The following SCHIP1 variants were observed in gnomAD, a reference collection of about 807,000 sequenced individuals.
SCHIP1 encodes schwannomin interacting protein 1.
In SCHIP1, 8 loss-of-function variants were observed where a neutral mutation model predicts 29.7. That is an observed-to-expected ratio of 0.27 (90% CI 0.16 to 0.49). The LOEUF is 0.49. SCHIP1 is among the 20% of genes least tolerant of loss of function. The pLI is 0.99. For synonymous variants in SCHIP1, 76 were observed against 94.9 expected (o/e 0.80, Z 1.16); for missense variants, 193 against 294.6 (o/e 0.66, Z 2.52).
the SCHIP1 span, among the ~76,000 whole-genome samples, chr3:159,677,440 G>A: frequency 4.3e-4 from 65 of 151,824 alleles, no homozygotes; most frequent in East Asian, 0.012. Flanking sequence ...GAGTTGGACT[G>A]CAGGCTGAGA....
the SCHIP1 span, among the ~76,000 whole-genome samples, chr3:159,737,336 A>G: frequency 2.6e-5 from 4 of 152,154 alleles, no homozygotes; most frequent in Admixed American, 2.0e-4. Flanking sequence ...GCCAGTCTCT[A>G]TCCCCAGAGT....
At chr3:159,563,338 C>A in the SCHIP1 span, among the ~76,000 whole-genome samples, 7 of 152,020 alleles carry the variant, frequency 4.6e-5, no homozygotes, top group Admixed American at 1.3e-4. Flanking sequence ...AGTTAAAAGT[C>A]ATTTTCTTTT....
chr3:159,583,524 T>C, the SCHIP1 span, among the ~76,000 whole-genome samples: 4 of 152,178 alleles, frequency 2.6e-5, no homozygotes, highest in Non-Finnish European at 5.9e-5. Flanking sequence ...AAATGGATAG[T>C]GTATAGTCAC....
chr3:159,505,197 C>T, the SCHIP1 span, among the ~76,000 whole-genome samples: 1 of 152,130 alleles, frequency 6.6e-6, no homozygotes, highest in Non-Finnish European at 1.5e-5. Flanking sequence ...CAGCACAGGG[C>T]CTGGCACAAA....
At chr3:159,358,119 G>A in the SCHIP1 span, among the ~76,000 whole-genome samples, 1 of 152,232 alleles carries the variant, frequency 6.6e-6, no homozygotes, top group African/African-American at 2.4e-5. Flanking sequence ...TGCAAAACCA[G>A]GAGCCAGCAA....
chr3:159,337,237 A>C, the SCHIP1 span, among the ~76,000 whole-genome samples: 54 of 152,252 alleles, frequency 3.5e-4, no homozygotes, highest in Middle Eastern at 6.8e-3. Flanking sequence ...CACAGCCAAT[A>C]TCATACTGAA....
chr3:159,407,628 G>A, the SCHIP1 span, among the ~76,000 whole-genome samples: 1 of 152,166 alleles, frequency 6.6e-6, no homozygotes, highest in South Asian at 2.1e-4. Context: ...TAGATCATAT[G>A]TTACTTCACA....
the SCHIP1 span, among the ~76,000 whole-genome samples, chr3:159,826,649 G>C: frequency 1.3e-5 from 2 of 152,294 alleles, no homozygotes; most frequent in Middle Eastern, 6.8e-3. Context: ...CATCATCTCA[G>C]ATAAGGGGAG....
chr3:159,841,928 G>A (rs1744264626), intron 1 of SCHIP1, among the ~76,000 whole-genome samples: 1 of 152,076 alleles, frequency 6.6e-6, no homozygotes, highest in African/African-American at 2.4e-5. Flanking sequence ...CTTTTGAAGT[G>A]CTCTCTCTTT....
chr3:159,335,412 T>A, the SCHIP1 span, among the ~76,000 whole-genome samples: 1,692 of 152,266 alleles, frequency 0.011, 18 homozygotes, highest in South Asian at 0.033. Flanking sequence ...TACATATGTA[T>A]ACATGTGCCA....
intron 2 of SCHIP1, among the ~76,000 whole-genome samples, chr3:159,878,735 GC>G (rs1309389522): frequency 1.7e-3 from 244 of 143,362 alleles, no homozygotes; most frequent in African/African-American, 6.1e-3. Context: ...CCGAGATCCC[GC>G]CACTGCACTC....
At chr3:159,626,611 G>A in the SCHIP1 span, among the ~76,000 whole-genome samples, 1 of 152,162 alleles carries the variant, frequency 6.6e-6, no homozygotes. Flanking sequence ...ACCAAACAAA[G>A]CTTAGCAAAC....
chr3:159,315,374 A>AT, the SCHIP1 span, among the ~76,000 whole-genome samples: 3 of 127,194 alleles, frequency 2.4e-5, no homozygotes, highest in East Asian at 6.8e-4. Context: ...AATTTTTTGT[A>AT]TTTTTTTGTA....
At chr3:159,370,654 A>G in the SCHIP1 span, among the ~76,000 whole-genome samples, 2 of 152,202 alleles carry the variant, frequency 1.3e-5, no homozygotes, top group Admixed American at 1.3e-4. Context: ...AGAATCATTC[A>G]GTCATTGGGG....
the SCHIP1 span, among the ~76,000 whole-genome samples, chr3:159,551,471 T>A: frequency 6.6e-6 from 1 of 152,152 alleles, no homozygotes; most frequent in Non-Finnish European, 1.5e-5. Context: ...AGAAAAAACA[T>A]CAAGATTGGG....
chr3:159,717,300 C>A, the SCHIP1 span, among the ~76,000 whole-genome samples: 1 of 151,974 alleles, frequency 6.6e-6, no homozygotes, highest in South Asian at 2.1e-4. Flanking sequence ...AAATTGACAC[C>A]CTAACATCAC....
the SCHIP1 span, among the ~76,000 whole-genome samples, chr3:159,752,003 G>C: frequency 2.0e-5 from 3 of 152,106 alleles, no homozygotes; most frequent in Non-Finnish European, 4.4e-5. Context: ...GCTGTCACAA[G>C]ATCTGGTTAT....
At chr3:159,439,774 A>G in the SCHIP1 span, among the ~76,000 whole-genome samples, 1 of 151,934 alleles carries the variant, frequency 6.6e-6, no homozygotes, top group Admixed American at 6.6e-5. Flanking sequence ...TAGATGCTGG[A>G]TATTAGACCT....
At chr3:159,518,850 TA>T in the SCHIP1 span, among the ~76,000 whole-genome samples, 1 of 152,116 alleles carries the variant, frequency 6.6e-6, no homozygotes, top group Admixed American at 6.6e-5. Context: ...TTAAGAAAGA[TA>T]AAATAATTTA....
Sources: allele counts gnomAD v4.1 joint callset (sites outside exome capture counted in the v4.1 genomes callset), GRCh38; gene constraint gnomAD v4.1.1; transcripts MANE v1.5; gene names NCBI Gene and HGNC (gene_info 2026-07-23, HGNC 2026-07-21).